Variants in PCDH7 observed in about 807,000 individuals in gnomAD.
PCDH7 encodes protocadherin 7, also known as protocadherin-7.
PCDH7 carries 17 observed loss-of-function variants against 58.9 expected under a neutral mutation model. The ratio of observed to expected loss-of-function variants is 0.29; its 90% CI spans 0.20 to 0.43. The LOEUF (loss-of-function observed/expected upper bound fraction) is 0.43, where lower values mean the gene tolerates loss of function less well. Among genes scored for constraint, PCDH7 ranks in the 20% least tolerant of loss-of-function variants. The pLI is 1.00. For synonymous variants in PCDH7, 664 were observed against 616.4 expected, an observed-to-expected ratio of 1.08 and a Z score of -1.14; for missense variants, 1,274 against 1,441.0, an observed-to-expected ratio of 0.88 and a Z score of 1.88.
At chr4:30,841,141 CAG>C (rs1337917339) in intron 1 of PCDH7, among the ~76,000 whole-genome samples, 8 of 151,878 alleles carry the variant, frequency 5.3e-5, no homozygotes, top group Non-Finnish European at 1.2e-4. Flanking sequence ...GTAAAAGAAA[CAG>C]AATTAAATTG....
intron 1 of PCDH7, among the ~76,000 whole-genome samples, chr4:30,837,144 G>C (rs377481111): frequency 2.0e-5 from 3 of 152,022 alleles, no homozygotes; most frequent in African/African-American, 4.8e-5. Context: ...TGTATGATAA[G>C]TAGTGTAACA....
chr4:30,721,919 C>T lies in PCDH7; in HGVS notation c.497C>T (p.Thr166Ile), dbSNP rs1162135940. ...GTGGGCACACTTTACCTGCTGCCCA[C>T]AGCCACCGACCGCGACTTCGGCCGC... Residue 166 changes from threonine to isoleucine, a missense_variant, in exon 1 of 2, where the codon ACA becomes ATA. Thr to Ile is a moderately conservative substitution (Grantham distance 89). Around this residue, in one of 3 missense-constraint regions of PCDH7, gnomAD observed 212 missense variants for 255.8 expected, o/e 0.83. Transcript: ENST00000361762. This position sits in a 1 kb window ranked among gnomAD's most constrained non-coding sequence, Gnocchi z 6.7. 6.3e-7 allele frequency: 1 copy of T among 1,575,122 alleles called. No individual in the cohort carries two copies. The highest frequency in any genetic ancestry group is 1.3e-5 in the African/African-American group (1 of 74,126).
intron 3 of PCDH7, among the ~76,000 whole-genome samples, chr4:31,142,054 C>T (rs548740805): frequency 5.3e-5 from 8 of 152,138 alleles, no homozygotes; most frequent in African/African-American, 1.7e-4. Flanking sequence ...AAAAGCACAC[C>T]ACTTCTGGGA....
At chr4:31,043,184 T>C (rs1439210955) in intron 3 of PCDH7, among the ~76,000 whole-genome samples, 1 of 152,168 alleles carries the variant, frequency 6.6e-6, no homozygotes, top group African/African-American at 2.4e-5. Flanking sequence ...ACATGAGTTC[T>C]GGAGGGGACA....
Position 30,723,482 on chromosome 4 carries a change from T to C in PCDH7, c.2060T>C (p.Ile687Thr), listed in dbSNP as rs1303763550. The C allele has an allele frequency of 1.2e-6, 2 of 1,614,110 alleles. No homozygotes were observed. The highest frequency in any genetic ancestry group is 2.2e-5 in the East Asian group (1 of 44,868). ...GAGGAGAACAATAACATTTTTTCTA[T>C]TGAAAATGACACGGGGACCATTTAC... The change falls in exon 1 of 2, where the codon ATT becomes ACT. Residue 687 changes from isoleucine to threonine, a missense_variant. Ile to Thr is a moderately conservative substitution (Grantham distance 89, BLOSUM62 -1). Coordinates refer to ENST00000361762, the Ensembl canonical transcript of PCDH7. This position sits in a 1 kb window ranked among gnomAD's most constrained non-coding sequence, Gnocchi z 4.6.
chr4:31,073,705 A>G (rs1247748244), intron 3 of PCDH7, among the ~76,000 whole-genome samples: 1 of 152,216 alleles, frequency 6.6e-6, no homozygotes, highest in Non-Finnish European at 1.5e-5. Context: ...TATAATCATT[A>G]CATGGTGGGA....
intron 1 of PCDH7, among the ~76,000 whole-genome samples, chr4:30,866,696 G>A (rs1174309652): frequency 2.1e-5 from 3 of 143,328 alleles, no homozygotes; most frequent in East Asian, 2.1e-4. Flanking sequence ...AGAATCTCTG[G>A]CAAAAAAAAA....
intron 1 of PCDH7, among the ~76,000 whole-genome samples, chr4:30,726,932 A>G (rs923814195): frequency 6.6e-6 from 1 of 151,948 alleles, no homozygotes; most frequent in African/African-American, 2.4e-5. Context: ...TGTTTGTGCC[A>G]TAAGTAGACA....
intron 1 of PCDH7, among the ~76,000 whole-genome samples, chr4:30,826,994 C>G (rs571825075): frequency 2.0e-5 from 3 of 152,178 alleles, no homozygotes; most frequent in South Asian, 4.1e-4. Flanking sequence ...AGATTTTTCT[C>G]TTATGTTTCC....
chr4:30,791,386 A>T (rs1724100374), intron 1 of PCDH7, among the ~76,000 whole-genome samples: 1 of 152,142 alleles, frequency 6.6e-6, no homozygotes, highest in East Asian at 1.9e-4. Context: ...TTACCTTATA[A>T]ATTATTTATG....
chr4:30,992,438 G>T (rs1262321810), intron 3 of PCDH7, among the ~76,000 whole-genome samples: 1 of 152,084 alleles, frequency 6.6e-6, no homozygotes, highest in East Asian at 1.9e-4. Flanking sequence ...GGGGGAAATG[G>T]TAGTATTTTC....
intron 1 of PCDH7, among the ~76,000 whole-genome samples, chr4:30,895,218 G>A (rs1205699736): frequency 6.6e-6 from 1 of 151,690 alleles, no homozygotes; most frequent in East Asian, 1.9e-4. Context: ...AATCTAGTGT[G>A]CTGGAAAATC....
chr4:31,043,896 C>T (rs1239852323), intron 3 of PCDH7, among the ~76,000 whole-genome samples: 1 of 152,102 alleles, frequency 6.6e-6, no homozygotes. Context: ...AAGGCAATTG[C>T]TTTGTCATGG....
At chr4:30,746,331 C>A (rs1319063866) in intron 1 of PCDH7, among the ~76,000 whole-genome samples, 1 of 152,114 alleles carries the variant, frequency 6.6e-6, no homozygotes, top group Non-Finnish European at 1.5e-5. Flanking sequence ...AAACAAAAAT[C>A]CTAATTCAAT....
chr4:30,905,931 A>C (rs1740861194), intron 1 of PCDH7, among the ~76,000 whole-genome samples: 1 of 152,182 alleles, frequency 6.6e-6, no homozygotes, highest in Non-Finnish European at 1.5e-5. Context: ...TGAGGCTAAG[A>C]AGAAATCACA....
chr4:31,077,096 A>C (rs1759062937), intron 3 of PCDH7, among the ~76,000 whole-genome samples: 1 of 152,202 alleles, frequency 6.6e-6, no homozygotes, highest in Admixed American at 6.5e-5. Context: ...TACACACATA[A>C]ATCTGATGGT....
intron 1 of PCDH7, among the ~76,000 whole-genome samples, chr4:30,829,205 C>T (rs575165629): frequency 3.3e-5 from 5 of 152,122 alleles, no homozygotes; most frequent in African/African-American, 1.2e-4. Flanking sequence ...AGAGAGAGGA[C>T]TCTACCCAGG....
intron 1 of PCDH7, among the ~76,000 whole-genome samples, chr4:30,849,007 T>C (rs1291243897): frequency 6.6e-6 from 1 of 152,184 alleles, no homozygotes; most frequent in Non-Finnish European, 1.5e-5. Flanking sequence ...AACATGAAGA[T>C]GCTTCAATAT....
intron 3 of PCDH7, among the ~76,000 whole-genome samples, chr4:31,124,060 G>A (rs570300144): frequency 1.3e-5 from 2 of 152,166 alleles, no homozygotes; most frequent in South Asian, 4.2e-4. Context: ...AGGGTGAGGC[G>A]GTGTGACGGG....
Sources: allele counts gnomAD v4.1 joint callset (sites outside exome capture counted in the v4.1 genomes callset), GRCh38; gene constraint gnomAD v4.1.1; regional missense constraint gnomAD v4.1.1; non-coding constraint Gnocchi (gnomAD v3.1); transcripts MANE v1.5; gene names NCBI Gene and HGNC (gene_info 2026-07-23, HGNC 2026-07-21).